The following ZNF713 variants were observed in gnomAD, a reference collection of about 807,000 sequenced individuals.
The protein encoded by ZNF713 is zinc finger protein 713.
A neutral mutation model predicts 28.7 loss-of-function variants in ZNF713; 21 were observed. The observed-to-expected ratio is 0.73, with a 90% CI of 0.52 to 1.05. The LOEUF (loss-of-function observed/expected upper bound fraction) is 1.05. Ranked by LOEUF, ZNF713 falls within the 50% of genes least tolerant of loss-of-function variation. The pLI is 0.00. For synonymous variants in ZNF713, 167 were observed against 178.0 expected, an observed-to-expected ratio of 0.94 and a Z score of 0.49; for missense variants, 458 against 532.4, an observed-to-expected ratio of 0.86 and a Z score of 1.37.
At position 55,939,129 on chromosome 7, in the gene ZNF713, A is replaced by G. The variant is rs1219684313; in HGVS notation, c.455A>G (p.His152Arg). The stretch of plus-strand genomic sequence containing the variant: ...GGAGGACTCTGGGATTTTGATTACC[A>G]TCCAGAGTTTAACCAAGAAAACCAC... ...ILGGLWDFDY[H>R]PEFNQENHKR... The change falls in exon 7 of 7, where the codon CAT becomes CGT. Residue 152 changes from histidine to arginine, a missense_variant. Coordinates refer to ENST00000429591, the MANE Select transcript of ZNF713 (RefSeq NM_182633.3). 6.2e-7 allele frequency: 1 copy of G among 1,614,126 alleles called. No individual in the cohort carries two copies. Among genetic ancestry groups the G allele is most frequent in the Non-Finnish European group, 8.5e-7 (1 of 1,180,024 alleles).
intron 6 of ZNF713, among the ~76,000 whole-genome samples, chr7:55,927,620 C>G (rs1786124642): frequency 1.3e-5 from 2 of 151,756 alleles, no homozygotes; most frequent in African/African-American, 4.8e-5. Flanking sequence ...AAAATAGATA[C>G]AGCTGGGTGC....
In ZNF713 at chr7:55,915,625, A is replaced by G. The variant is rs142947764; in HGVS notation, c.87+2902A>G. On this transcript the variant is annotated intron_variant, in intron 4 of 6. Transcript: ENST00000429591. ...TAGAACCTACGAAAAGTAAGTGGAA[A>G]AGAGCATTTTGGACATGTGCTAAAA... Among the ~76,000 whole-genome samples the G allele has an allele frequency of 4.6e-5, 7 of 152,372 alleles. No individual in the cohort carries two copies. In the East Asian group the frequency reaches 1.3e-3, roughly 29 times the overall value.
intron 1 of ZNF713, among the ~76,000 whole-genome samples, chr7:55,895,605 A>G (rs192234813): frequency 5.3e-5 from 8 of 151,330 alleles, no homozygotes; most frequent in Non-Finnish European, 1.0e-4. Flanking sequence ...AGTAGCTGGG[A>G]TTACAGGCAC....
chr7:55,888,300 C>T (rs1378435568), intron 1 of ZNF713, among the ~76,000 whole-genome samples: 1 of 152,140 alleles, frequency 6.6e-6, no homozygotes, highest in African/African-American at 2.4e-5. Flanking sequence ...TTGCTGTTAT[C>T]CGTTGAGTCA....
chr7:55,903,652 G>A (rs1199509084), intron 1 of ZNF713, among the ~76,000 whole-genome samples: 1 of 141,074 alleles, frequency 7.1e-6, no homozygotes, highest in Non-Finnish European at 1.5e-5. Context: ...GGGCAACAGA[G>A]CCAGACTGTG....
intron 2 of ZNF713, among the ~76,000 whole-genome samples, chr7:55,909,123 A>G (rs1007256693): frequency 4.7e-5 from 7 of 147,496 alleles, no homozygotes; most frequent in African/African-American, 1.8e-4. Flanking sequence ...CGCTTGAACC[A>G]GGGAGTCGGA....
intron 4 of ZNF713, among the ~76,000 whole-genome samples, chr7:55,917,733 A>G (rs1249824800): frequency 1.3e-5 from 2 of 152,116 alleles, no homozygotes; most frequent in African/African-American, 2.4e-5. Flanking sequence ...AAAATTTTAA[A>G]GACAGTTCAC....
intron 6 of ZNF713, among the ~76,000 whole-genome samples, chr7:55,930,803 C>T (rs1786195318): frequency 6.6e-6 from 1 of 152,018 alleles, no homozygotes; most frequent in Non-Finnish European, 1.5e-5. Context: ...GATTCTTTCA[C>T]CCTGCAACAG....
intron 6 of ZNF713, among the ~76,000 whole-genome samples, chr7:55,925,225 G>A (rs192009458): frequency 6.6e-6 from 1 of 152,238 alleles, no homozygotes; most frequent in African/African-American, 2.4e-5. Context: ...TGGCTTCATC[G>A]TTTGGACTTG....
Position 55,940,146 on chromosome 7 carries a change from T to C in ZNF713, c.*140T>C. The C allele has an allele frequency of 2.2e-6, 3 of 1,346,818 alleles. No individual in the cohort carries two copies. Among genetic ancestry groups the C allele is most frequent in the East Asian group, 5.2e-5 (2 of 38,718 alleles). 83.4% of individuals were successfully genotyped at this position (1,346,818 alleles called of 1,614,324 possible). On this transcript the variant is annotated 3_prime_UTR_variant, in exon 7 of 7. Transcript: ENST00000429591. ...TTTTGTTTTGTTTTGTTTTTGAGAC[T>C]GAGTCTCACTCTGTCACCCAGGCTG...
intron 1 of ZNF713, among the ~76,000 whole-genome samples, chr7:55,892,992 C>T (rs1401169954): frequency 6.6e-6 from 1 of 151,224 alleles, no homozygotes; most frequent in Non-Finnish European, 1.5e-5. Flanking sequence ...ACGCCATTCT[C>T]TTGCCTCAGC....
rs985859392 is a variant in ZNF713, at chr7:55,941,987, C to T, written c.*1981C>T. The T allele has an allele frequency of 5.3e-5, 8 of 152,000 alleles. No homozygotes were observed. The highest frequency in any genetic ancestry group is 1.9e-4 in the African/African-American group (8 of 41,382). 9.4% of individuals were successfully genotyped at this position (152,000 alleles called of 1,614,324 possible). On this transcript the variant is annotated 3_prime_UTR_variant, in exon 7 of 7. Transcript: ENST00000429591. ...TCTATTTTGTTTTAGCTTTAAATTTCCCTGTGGCAAGTCTAGATTTTTTTT... is the reference window on the plus strand; with the variant it reads ...TCTATTTTGTTTTAGCTTTAAATTTTCCTGTGGCAAGTCTAGATTTTTTTT...
At chr7:55,919,508 T>TG (rs1374286021) in intron 4 of ZNF713, among the ~76,000 whole-genome samples, 169 of 89,524 alleles carry the variant, frequency 1.9e-3, no homozygotes, top group Middle Eastern at 5.7e-3. Flanking sequence ...TTTTTTTTTT[T>TG]TTTTTTTTTT....
chr7:55,904,015 G>GA (rs1245139089), intron 1 of ZNF713, among the ~76,000 whole-genome samples: 2 of 151,822 alleles, frequency 1.3e-5, no homozygotes, highest in Non-Finnish European at 2.9e-5. Flanking sequence ...AACTACAGAG[G>GA]AAAAAGAGTA....
At position 55,939,511 on chromosome 7, in the gene ZNF713, G is replaced by A. The variant is rs764737223; in HGVS notation, c.837G>A (p.Leu279=). Reference sequence around the variant, plus strand: ...CATCTCTTAGCCAGCCTCAGATGTTGCTTACAGGAGAGAAGCCCTATAAGT... The same window carrying A: ...CATCTCTTAGCCAGCCTCAGATGTTACTTACAGGAGAGAAGCCCTATAAGT... ...HTSSLSQPQM[L]LTGEKPYKCD... Residue 279 remains leucine (L), a synonymous_variant, in exon 7 of 7, where the codon TTG becomes TTA. Transcript: ENST00000429591. 4.3e-6 allele frequency: 7 copies of A among 1,613,882 alleles called. No individual in the cohort carries two copies. The South Asian group carries it at 4.4e-5, about 10-fold the overall frequency.
chr7:55,927,961 G>A (rs1346671517), intron 6 of ZNF713, among the ~76,000 whole-genome samples: 2 of 148,442 alleles, frequency 1.3e-5, no homozygotes, highest in African/African-American at 5.0e-5. Context: ...AGATGGGAGT[G>A]GGATTAGAGG....
chr7:55,899,292 G>T (rs1397492966), intron 1 of ZNF713, among the ~76,000 whole-genome samples: 1 of 148,082 alleles, frequency 6.8e-6, no homozygotes, highest in East Asian at 2.0e-4. Context: ...GGTGGAGCTT[G>T]CAGTGAGCCG....
rs747072160 is a variant in ZNF713 at position 55,923,236 on chromosome 7, G to T, written c.162G>T (p.Lys54Asn). 3 of 1,613,950 alleles carry T rather than the reference G, an allele frequency of 1.9e-6. No homozygotes were observed. In the South Asian group the frequency reaches 3.3e-5, roughly 18 times the overall value. ...EEWDQLYPAQ[K>N]NLYRDVMLEN... ...GGGACCAGCTGTACCCTGCCCAAAA[G>T]AACCTCTATCGAGACGTGATGCTGG... Residue 54 changes from lysine to asparagine, a missense_variant, in exon 5 of 7, where the codon AAG becomes AAT. By Grantham distance (94) the Lys-to-Asn change is moderately conservative. Transcript: ENST00000429591.
Position 55,939,178 on chromosome 7 carries a change from T to G in ZNF713, c.504T>G (p.Thr168=). ...ENHKRYLGQV[T]LTHKKITQER... is the part of the protein sequence containing the mutation. ...ACAAGAGATATTTAGGACAAGTAACTTTGACCCACAAAAAGATCACACAGG... is the reference window on the plus strand; with the variant it reads ...ACAAGAGATATTTAGGACAAGTAACGTTGACCCACAAAAAGATCACACAGG... Residue 168 remains threonine, a synonymous_variant, in exon 7 of 7, where the codon ACT becomes ACG. Transcript: ENST00000429591. 6.2e-7 allele frequency: 1 copy of G among 1,613,924 alleles called. No homozygotes were observed. Among genetic ancestry groups the G allele is most frequent in the Non-Finnish European group, 8.5e-7 (1 of 1,179,984 alleles).
Sources: gnomAD v4.1 joint callset for allele counts (sites outside exome capture counted in the v4.1 genomes callset) on GRCh38, gnomAD v4.1.1 for gene constraint, MANE v1.5 for transcripts, NCBI Gene and HGNC (gene_info 2026-07-23, HGNC 2026-07-21) for gene names.